The following SLC16A12 variants were observed in gnomAD, a reference collection of about 807,000 sequenced individuals.
The protein encoded by SLC16A12 is monocarboxylate transporter 12.
SLC16A12 carries 17 observed loss-of-function variants against 42.4 expected under a neutral mutation model. The ratio of observed to expected loss-of-function variants is 0.40; its 90% CI spans 0.27 to 0.60. SLC16A12 has a LOEUF of 0.60. Ranked by LOEUF, SLC16A12 falls within the 20% of genes least tolerant of loss-of-function variation. SLC16A12 has a pLI of 0.42. For missense variants in SLC16A12, 544 were observed against 623.0 expected, an observed-to-expected ratio of 0.87 and a Z score of 1.35; for synonymous variants, 224 against 229.4, an observed-to-expected ratio of 0.98 and a Z score of 0.21.
intron 3 of SLC16A12, among the ~76,000 whole-genome samples, chr10:89,450,144 T>A (rs1026675773): frequency 5.9e-5 from 9 of 152,152 alleles, no homozygotes; most frequent in African/African-American, 1.7e-4. Flanking sequence ...AAATAGGAAC[T>A]CTTTTACACT....
intron 2 of SLC16A12, among the ~76,000 whole-genome samples, chr10:89,554,099 A>AGAAAGAAAGAAAGAAGGAAG (rs1269931223): frequency 6.9e-5 from 1 of 14,470 alleles, no homozygotes; most frequent in Admixed American, 5.4e-4. Flanking sequence ...AAAGAAAGAA[A>AGAAAGAAAGAAAGAAGGAAG]GAAGGAAGGA....
At chr10:89,473,863 A>T (rs2133773324) in intron 2 of SLC16A12, among the ~76,000 whole-genome samples, 1 of 152,256 alleles carries the variant, frequency 6.6e-6, no homozygotes, top group African/African-American at 2.4e-5. Flanking sequence ...CCTCAGCCAT[A>T]ATCTGTTTGC....
chr10:89,451,332 A>G (rs1252927287), intron 3 of SLC16A12, among the ~76,000 whole-genome samples: 1 of 152,186 alleles, frequency 6.6e-6, no homozygotes, highest in Non-Finnish European at 1.5e-5. Flanking sequence ...GGCCGGCTTC[A>G]TGGGAGTGCA....
chr10:89,544,055 G>A (rs147075139), intron 2 of SLC16A12, among the ~76,000 whole-genome samples: 1 of 152,314 alleles, frequency 6.6e-6, no homozygotes, highest in East Asian at 1.9e-4. Flanking sequence ...TAACACCTTT[G>A]TTGTTTACCT....
intron 2 of SLC16A12, among the ~76,000 whole-genome samples, chr10:89,514,511 G>T (rs879604136): frequency 3.3e-5 from 5 of 152,184 alleles, no homozygotes; most frequent in Non-Finnish European, 7.3e-5. Context: ...GTAGACAATG[G>T]CCCTCTGGCT....
intron 2 of SLC16A12, among the ~76,000 whole-genome samples, chr10:89,490,087 G>C (rs1842825024): frequency 6.6e-6 from 1 of 152,164 alleles, no homozygotes; most frequent in Non-Finnish European, 1.5e-5. Context: ...GGTATGAAGG[G>C]TCTTTATATG....
intron 2 of SLC16A12, among the ~76,000 whole-genome samples, chr10:89,509,456 T>G (rs1194780718): frequency 6.6e-6 from 1 of 152,164 alleles, no homozygotes; most frequent in Non-Finnish European, 1.5e-5. Context: ...AATCAATAAA[T>G]GTAATCCATC....
intron 2 of SLC16A12, among the ~76,000 whole-genome samples, chr10:89,545,038 T>C (rs1015012286): frequency 6.6e-6 from 1 of 152,160 alleles, no homozygotes; most frequent in Admixed American, 6.5e-5. Flanking sequence ...CATCTGGCTC[T>C]CTCTCAAATC....
intron 2 of SLC16A12, among the ~76,000 whole-genome samples, chr10:89,478,829 T>C (rs556789379): frequency 6.6e-6 from 1 of 152,356 alleles, no homozygotes; most frequent in Admixed American, 6.5e-5. Context: ...GCTCTCATTG[T>C]TTCCAACTAG....
chr10:89,494,542 T>C (rs56034228), intron 2 of SLC16A12, among the ~76,000 whole-genome samples: 10,303 of 152,176 alleles, frequency 0.068, 505 homozygotes, highest in East Asian at 0.21. Flanking sequence ...TCCTAAAACA[T>C]TGCTGGTGGT....
intron 6 of SLC16A12, among the ~76,000 whole-genome samples, chr10:89,437,644 A>G (rs1375369208): frequency 6.6e-6 from 1 of 152,134 alleles, no homozygotes; most frequent in Non-Finnish European, 1.5e-5. Flanking sequence ...TTTAACCATT[A>G]AAAATGTGGA....
At chr10:89,555,301 G>C (rs898046802) in intron 2 of SLC16A12, among the ~76,000 whole-genome samples, 1 of 151,580 alleles carries the variant, frequency 6.6e-6, no homozygotes, top group Admixed American at 6.6e-5. Context: ...CGCAGGCACA[G>C]TTACCTACAA....
chr10:89,441,363 T>C lies in SLC16A12; in HGVS notation c.305-112A>G, dbSNP rs574539021. 3 of 1,327,656 alleles carry C rather than the reference T, an allele frequency of 2.3e-6. No individual in the cohort carries two copies. In the South Asian group the frequency reaches 3.7e-5, roughly 16 times the overall value. 82.2% of individuals were successfully genotyped at this position (1,327,656 alleles called of 1,614,324 possible). On this transcript the variant is annotated intron_variant, in intron 4 of 7. Coordinates refer to ENST00000371790, the MANE Select transcript of SLC16A12 (RefSeq NM_213606.4). ...CCTTTAAAGCATTGAGCCCACCCTA[T>C]TAATTCTGCAGCTTTGGAAACTGAG...
chr10:89,442,151 T>C (rs1841922290), intron 4 of SLC16A12, among the ~76,000 whole-genome samples: 2 of 152,232 alleles, frequency 1.3e-5, no homozygotes, highest in South Asian at 2.1e-4. Context: ...TGATCATTTT[T>C]GTATTGATCA....
At chr10:89,531,532 C>T (rs539429375) in intron 2 of SLC16A12, among the ~76,000 whole-genome samples, 3 of 152,194 alleles carry the variant, frequency 2.0e-5, no homozygotes, top group Non-Finnish European at 4.4e-5. Context: ...CTATTTCCCA[C>T]AGCGGTCTCT....
At chr10:89,486,553 C>A (rs1172505737) in intron 2 of SLC16A12, among the ~76,000 whole-genome samples, 1 of 132,880 alleles carries the variant, frequency 7.5e-6, no homozygotes, top group Non-Finnish European at 1.5e-5. Flanking sequence ...TATCAAGCCA[C>A]TGTACTCCAG....
In SLC16A12 at chr10:89,433,240, A is replaced by G; in HGVS notation, c.1375T>C (p.Phe459Leu). ...SMIFSSVLLGFARLIKRMRKT... is the reference protein window; with the variant it reads ...SMIFSSVLLGLARLIKRMRKT... The stretch of plus-strand genomic sequence containing the variant: ...CTCATTCTCTTTATAAGTCTAGCAA[A>G]GCCAAGCAACACAGAACTAAATATC... The change falls in exon 8 of 8, where the codon TTT (phenylalanine) becomes CTT (leucine). Residue 459 changes from phenylalanine to leucine, a missense_variant. Coordinates refer to ENST00000371790, the MANE Select transcript of SLC16A12 (RefSeq NM_213606.4). 1.9e-6 allele frequency: 3 copies of G among 1,614,254 alleles called. No individual in the cohort carries two copies. The highest frequency in any genetic ancestry group is 2.5e-6 in the Non-Finnish European group (3 of 1,180,046).
intron 2 of SLC16A12, among the ~76,000 whole-genome samples, chr10:89,486,605 AAGAAAG>A (rs1554829728): frequency 2.3e-5 from 1 of 43,778 alleles, no homozygotes; most frequent in African/African-American, 1.1e-4. Flanking sequence ...AAAAAAAAAA[AAGAAAG>A]AAAGAAAGAA....
At chr10:89,500,148 T>A (rs916528920) in intron 2 of SLC16A12, among the ~76,000 whole-genome samples, 1 of 151,894 alleles carries the variant, frequency 6.6e-6, no homozygotes. Context: ...ATGGTAATTT[T>A]AAAAATACCA....
Sources: gnomAD v4.1 joint callset for allele counts (sites outside exome capture counted in the v4.1 genomes callset) on GRCh38, gnomAD v4.1.1 for gene constraint, MANE v1.5 for transcripts, NCBI Gene and HGNC (gene_info 2026-07-23, HGNC 2026-07-21) for gene names.